Variants in VAV3 observed in about 807,000 individuals in gnomAD.
The protein encoded by VAV3 is guanine nucleotide exchange factor VAV3.
Under a neutral mutation model 131.2 loss-of-function variants are expected in VAV3, and 94 were observed. That is an observed-to-expected ratio of 0.72 (90% CI 0.61 to 0.85). The LOEUF (loss-of-function observed/expected upper bound fraction) is 0.85, where lower values mean the gene tolerates loss of function less well. Ranked by LOEUF, VAV3 falls within the 40% of genes least tolerant of loss-of-function variation. The pLI is 0.00. For synonymous variants in VAV3, 349 were observed against 342.0 expected, an observed-to-expected ratio of 1.02 and a Z score of -0.22; for missense variants, 939 against 1,002.7, an observed-to-expected ratio of 0.94 and a Z score of 0.86.
intron 19 of VAV3, among the ~76,000 whole-genome samples, chr1:107,643,872 T>C (rs1438828546): frequency 1.3e-5 from 2 of 152,132 alleles, no homozygotes; most frequent in African/African-American, 2.4e-5. Context: ...TAGTCAACAC[T>C]TGTTTATCAA....
At chr1:107,955,361 C>T (rs1674757267) in intron 1 of VAV3, among the ~76,000 whole-genome samples, 1 of 151,670 alleles carries the variant, frequency 6.6e-6, no homozygotes, top group African/African-American at 2.4e-5. Context: ...AGTAAAGAGT[C>T]ACCATTTTCA....
intron 21 of VAV3, among the ~76,000 whole-genome samples, chr1:107,613,286 G>C (rs1433651025): frequency 1.3e-5 from 2 of 152,046 alleles, no homozygotes; most frequent in African/African-American, 4.8e-5. Context: ...AATCTGGAAA[G>C]TTCTCAGGCA....
chr1:107,885,931 C>T (rs1384528441), intron 1 of VAV3, among the ~76,000 whole-genome samples: 2 of 152,184 alleles, frequency 1.3e-5, no homozygotes, highest in African/African-American at 2.4e-5. Flanking sequence ...AACACATGAA[C>T]AGGACATGTC....
At chr1:107,927,148 T>C (rs1280870033) in intron 1 of VAV3, among the ~76,000 whole-genome samples, 1 of 151,808 alleles carries the variant, frequency 6.6e-6, no homozygotes, top group Non-Finnish European at 1.5e-5. Flanking sequence ...CATGAGCCCT[T>C]TCCAGGCCCT....
At chr1:107,691,345 C>A (rs973791789) in intron 17 of VAV3, among the ~76,000 whole-genome samples, 1 of 152,158 alleles carries the variant, frequency 6.6e-6, no homozygotes, top group Non-Finnish European at 1.5e-5. Flanking sequence ...AAGCCTGCAA[C>A]CCCATTTTTA....
At chr1:107,886,867 C>T (rs1426763841) in intron 1 of VAV3, among the ~76,000 whole-genome samples, 1 of 151,838 alleles carries the variant, frequency 6.6e-6, no homozygotes, top group Non-Finnish European at 1.5e-5. Context: ...AAAAAACCTG[C>T]ATTTGCCATG....
At chr1:107,755,292 C>G in intron 12 of VAV3, 135 bp downstream of exon 12, 2 of 678,708 alleles carry the variant, frequency 2.9e-6, no homozygotes, top group Non-Finnish European at 5.1e-6. Context: ...CACATGAACA[C>G]TGCCAAACAA....
intron 1 of VAV3, among the ~76,000 whole-genome samples, chr1:107,882,716 T>G (rs939561610): frequency 1.4e-4 from 21 of 152,230 alleles, no homozygotes; most frequent in Admixed American, 1.0e-3. Flanking sequence ...TTTATTTGTA[T>G]GAGGACCTTA....
chr1:107,879,555 T>C (rs745882108), intron 1 of VAV3, among the ~76,000 whole-genome samples: 4 of 150,636 alleles, frequency 2.7e-5, no homozygotes, highest in African/African-American at 7.3e-5. Flanking sequence ...TACTTGAGTG[T>C]TTTTTTTTCC....
At chr1:107,574,963 C>CTGTGTGTG (rs753834313) in intron 25 of VAV3, among the ~76,000 whole-genome samples, 9 of 81,176 alleles carry the variant, frequency 1.1e-4, no homozygotes, top group African/African-American at 3.1e-4. Context: ...TTGAGTTTCT[C>CTGTGTGTG]TGTGTGTGTG....
intron 15 of VAV3, among the ~76,000 whole-genome samples, chr1:107,725,254 C>G (rs959977429): frequency 6.6e-6 from 1 of 152,154 alleles, no homozygotes; most frequent in Non-Finnish European, 1.5e-5. Flanking sequence ...ATGGTAAAGA[C>G]TTCCCCATAT....
rs1667508045 is a variant in VAV3, at chr1:107,815,098, A to G, written c.322-35606T>C. Among the ~76,000 whole-genome samples the G allele has an allele frequency of 2.0e-5, 3 of 152,216 alleles. No individual in the cohort carries two copies. In the South Asian group the frequency reaches 6.2e-4, roughly 32 times the overall value. ...GTTATTGAAATGAATTACAATCTAT[A>G]CATAGATGCTGCAGTATCTGTCGTT... On this transcript the variant is annotated intron_variant, in intron 2 of 26. Coordinates refer to ENST00000370056, the MANE Select transcript of VAV3 (RefSeq NM_006113.5).
In VAV3 at chr1:107,603,765, C is replaced by T. The variant is rs527952307; in HGVS notation, c.2016-602G>A. Among the ~76,000 whole-genome samples, 3 of 150,984 alleles carry T rather than the reference C, an allele frequency of 2.0e-5. No individual in the cohort carries two copies. In the East Asian group the frequency reaches 5.9e-4, roughly 29 times the overall value. Reference sequence around the variant, plus strand: ...TCTCATTCTCTTTATTTGCTAAATACAGGCAAGCCCAAAGCAATGCAGTCT... The same window carrying T: ...TCTCATTCTCTTTATTTGCTAAATATAGGCAAGCCCAAAGCAATGCAGTCT... On this transcript the variant is annotated intron_variant, in intron 22 of 26. Coordinates refer to ENST00000370056, the MANE Select transcript of VAV3 (RefSeq NM_006113.5).
intron 19 of VAV3, among the ~76,000 whole-genome samples, chr1:107,663,912 T>C (rs181935194): frequency 2.6e-4 from 39 of 152,332 alleles, no homozygotes; most frequent in Admixed American, 1.3e-3. Flanking sequence ...TGCTGTGGGT[T>C]TGAAATCTTT....
At chr1:107,841,411 A>G (rs763822221) in intron 2 of VAV3, among the ~76,000 whole-genome samples, 2 of 152,182 alleles carry the variant, frequency 1.3e-5, no homozygotes, top group Admixed American at 1.3e-4. Flanking sequence ...GGCTGAGGAG[A>G]AACAGTAGCG....
intron 19 of VAV3, among the ~76,000 whole-genome samples, chr1:107,643,450 A>G (rs779719465): frequency 1.3e-5 from 2 of 152,186 alleles, no homozygotes; most frequent in Non-Finnish European, 2.9e-5. Context: ...TTGAGAGAAC[A>G]GCAGCTTCAA....
intron 20 of VAV3, among the ~76,000 whole-genome samples, chr1:107,633,500 A>C (rs1257679223): frequency 6.6e-6 from 1 of 152,144 alleles, no homozygotes; most frequent in African/African-American, 2.4e-5. Context: ...CAGCTCACAA[A>C]ACCATTTTAT....
chr1:107,748,870 C>G (rs1339666500), intron 15 of VAV3, 98 bp downstream of exon 15: 2 of 916,384 alleles, frequency 2.2e-6, no homozygotes, highest in Non-Finnish European at 3.2e-6. Flanking sequence ...ACACATTATA[C>G]ATGCTACAAG....
chr1:107,685,769 G>A (rs918790112), intron 18 of VAV3: 10 of 151,974 alleles, frequency 6.6e-5, no homozygotes, highest in African/African-American at 1.7e-4. Flanking sequence ...ATCATATTTT[G>A]AACAATTTTA....
Sources: gnomAD v4.1 joint callset for allele counts (sites outside exome capture counted in the v4.1 genomes callset) on GRCh38, gnomAD v4.1.1 for gene constraint, MANE v1.5 for transcripts, NCBI Gene and HGNC (gene_info 2026-07-23, HGNC 2026-07-21) for gene names.